Variants in ACAD10 observed in about 807,000 individuals in gnomAD.
ACAD10 encodes the protein acyl-CoA dehydrogenase family member 10.
A neutral mutation model predicts 116.8 loss-of-function variants in ACAD10; 112 were observed. The observed-to-expected ratio is 0.96, with a 90% CI of 0.82 to 1.12. The LOEUF (loss-of-function observed/expected upper bound fraction) is 1.12. Ranked by LOEUF, ACAD10 falls within the 50% of genes most tolerant of loss-of-function variation. The pLI is 0.00. For missense variants in ACAD10, 1,259 were observed against 1,350.2 expected (o/e 0.93, Z 1.06); for synonymous variants, 486 against 510.6 (o/e 0.95, Z 0.65).
At position 111,735,277 on chromosome 12, in the gene ACAD10, T is replaced by C. The variant is rs375423474; in HGVS notation, c.1540+1209T>C. ...ATTTGGGTTAATTCCTATTTAGATA[T>C]TTAATTTGTTTCCAATTTTTTAGTA... On this transcript the variant is annotated intron_variant, in intron 11 of 20. Transcript: ENST00000313698. 5.1e-4 allele frequency among the ~76,000 whole-genome samples: 77 copies of C among 152,160 alleles called. No homozygotes were observed. In the South Asian group the frequency reaches 0.013, roughly 27 times the overall value.
rs547156950 is a variant in ACAD10 at position 111,697,255 on chromosome 12, A to T, written c.187+4359A>T. Among the ~76,000 whole-genome samples the T allele has an allele frequency of 6.1e-4, 93 of 152,090 alleles. 2 individuals are homozygous for T. The East Asian group carries it at 0.017, about 27-fold the overall frequency. ...GACTCCGTCTTGGGAGAAAAAAAAA[A>T]TTGAATTCAGAGGGTATAATGATTT... On this transcript the variant is annotated intron_variant, in intron 2 of 20. Transcript: ENST00000313698.
chr12:111,715,598 C>T (rs1888817773), intron 6 of ACAD10: 2 of 530,252 alleles, frequency 3.8e-6, no homozygotes, highest in Admixed American at 3.1e-5. Context: ...AATGAATGGC[C>T]TTTGACAAAC....
At chr12:111,693,827 T>C (rs1888120357) in intron 2 of ACAD10, among the ~76,000 whole-genome samples, 1 of 152,206 alleles carries the variant, frequency 6.6e-6, no homozygotes, top group Admixed American at 6.5e-5. Flanking sequence ...AAACAGTGAC[T>C]GAAACAAGCT....
chr12:111,746,184 CCTTAGAGG>C lies in ACAD10; in HGVS notation c.2159_2166del (p.Leu720Ter). On this transcript the variant is annotated frameshift_variant, in exon 14 of 21. Transcript: ENST00000313698. LOFTEE classifies it high-confidence loss of function. ...GAAGGACTTTGGAACCTTTTCCTAC[CCTTAGAGG>C]CTGATCCCGAGAAAAAATACGGAGC... The C allele has an allele frequency of 6.2e-7, 1 of 1,613,914 alleles. No homozygotes were observed. The highest frequency in any genetic ancestry group is 8.5e-7 in the Non-Finnish European group (1 of 1,179,996).
chr12:111,710,979 G>A (rs181742203), intron 5 of ACAD10, among the ~76,000 whole-genome samples: 1 of 152,248 alleles, frequency 6.6e-6, no homozygotes, highest in Non-Finnish European at 1.5e-5. Flanking sequence ...GAGTTAAATG[G>A]GAAGAGGAAA....
intron 20 of ACAD10, 96 bp from the exon 21 acceptor site, chr12:111,756,237 G>A: frequency 6.8e-7 from 1 of 1,471,812 alleles, no homozygotes; most frequent in South Asian, 1.4e-5. Context: ...CCGGGAAGAT[G>A]GTTGTTATGG....
intron 18 of ACAD10, among the ~76,000 whole-genome samples, chr12:111,750,333 G>A (rs1039728881): frequency 6.6e-6 from 1 of 151,210 alleles, no homozygotes; most frequent in African/African-American, 2.4e-5. Flanking sequence ...TGTTAGCCAG[G>A]ATGGTCTCGA....
intron 8 of ACAD10, among the ~76,000 whole-genome samples, chr12:111,725,569 C>T (rs1447754451): frequency 1.3e-5 from 2 of 150,296 alleles, no homozygotes; most frequent in Non-Finnish European, 1.5e-5. Context: ...GAGTCTCACT[C>T]TGTTGCCCAG....
intron 10 of ACAD10, among the ~76,000 whole-genome samples, chr12:111,733,379 C>T (rs1889454698): frequency 6.6e-6 from 1 of 152,090 alleles, no homozygotes; most frequent in African/African-American, 2.4e-5. Context: ...TGAACCATTG[C>T]TCTCAGCCCT....
At chr12:111,707,103 T>G (rs188598477) in intron 4 of ACAD10, among the ~76,000 whole-genome samples, 1 of 144,796 alleles carries the variant, frequency 6.9e-6, no homozygotes, top group Non-Finnish European at 1.5e-5. Flanking sequence ...TCTTTTTTTT[T>G]CCTTGAGAGA....
At chr12:111,732,467 T>C (rs550442764) in intron 10 of ACAD10, among the ~76,000 whole-genome samples, 77 of 152,318 alleles carry the variant, frequency 5.1e-4, no homozygotes, top group Non-Finnish European at 2.8e-4. Context: ...GAGACTGATA[T>C]ATACCAACTT....
chr12:111,727,862 A>G (rs1254560759), intron 8 of ACAD10, 100 bp from the exon 9 acceptor site: 13 of 1,259,482 alleles, frequency 1.0e-5, no homozygotes, highest in African/African-American at 1.5e-5. Context: ...ACCAGCTCTC[A>G]ACCTGTATAC....
intron 6 of ACAD10, chr12:111,715,528 A>G: frequency 2.8e-6 from 1 of 355,318 alleles, no homozygotes; most frequent in Non-Finnish European, 5.3e-6. Context: ...ATGGAGCAGG[A>G]GCTGGCAGGA....
intron 20 of ACAD10, 174 bp from the exon 21 acceptor site, chr12:111,756,159 G>A (rs764120627): frequency 3.4e-5 from 48 of 1,425,200 alleles, no homozygotes; most frequent in Non-Finnish European, 4.2e-5. Flanking sequence ...CCGTGGGATG[G>A]CAGGTGTGGC....
chr12:111,730,754 CT>C (rs750344202), intron 10 of ACAD10, among the ~76,000 whole-genome samples: 436 of 135,018 alleles, frequency 3.2e-3, no homozygotes, highest in Admixed American at 3.9e-3. Flanking sequence ...ATTTCCGTTT[CT>C]TTTTTTTTTT....
chr12:111,748,652 G>GGATTTCAGA, intron 17 of ACAD10, 177 bp downstream of exon 17: 1 of 725,634 alleles, frequency 1.4e-6, no homozygotes, highest in East Asian at 2.7e-5. Context: ...CCATGCAGGC[G>GGATTTCAGA]GATTTCAGAC....
chr12:111,711,522 A>ATTT (rs1176078999), intron 5 of ACAD10, among the ~76,000 whole-genome samples: 5 of 107,258 alleles, frequency 4.7e-5, no homozygotes, highest in South Asian at 2.8e-4. Context: ...CTGTGCTAAA[A>ATTT]TTTTTTTTTT....
At chr12:111,735,154 G>A (rs1889511328) in intron 11 of ACAD10, among the ~76,000 whole-genome samples, 1 of 151,432 alleles carries the variant, frequency 6.6e-6, no homozygotes, top group African/African-American at 2.4e-5. Flanking sequence ...AACCCGGGAG[G>A]CGGAGCTTGC....
In ACAD10 at chr12:111,704,127, C is replaced by T. The variant is rs914301403; in HGVS notation, c.337-1611C>T. On this transcript the variant is annotated intron_variant, in intron 3 of 20. Transcript: ENST00000313698. ...AATGAGGAGTGACTGTTAATGGGTA[C>T]GGTTTACTTTTTTTTTTTTTAATTT... Among the ~76,000 whole-genome samples, 3 of 149,854 alleles carry T rather than the reference C, an allele frequency of 2.0e-5. No individual in the cohort carries two copies. The East Asian group carries it at 5.8e-4, about 29-fold the overall frequency.
Sources: gnomAD v4.1 joint callset for allele counts (sites outside exome capture counted in the v4.1 genomes callset) on GRCh38, gnomAD v4.1.1 for gene constraint, MANE v1.5 for transcripts, NCBI Gene and HGNC (gene_info 2026-07-23, HGNC 2026-07-21) for gene names.